Variants in ZKSCAN5 observed in about 807,000 individuals in gnomAD.
ZKSCAN5 encodes the protein zinc finger with KRAB and SCAN domains 5, also known as zinc finger protein with KRAB and SCAN domains 5.
A neutral mutation model predicts 60.0 loss-of-function variants in ZKSCAN5; 28 were observed. The observed-to-expected ratio is 0.47, with a 90% CI of 0.35 to 0.64. The LOEUF (loss-of-function observed/expected upper bound fraction) is 0.64. Among genes scored for constraint, ZKSCAN5 ranks in the 30% least tolerant of loss-of-function variants. The pLI is 0.01. For missense variants in ZKSCAN5, 881 were observed against 1,034.6 expected (o/e 0.85, Z 2.04); for synonymous variants, 361 against 371.2 (o/e 0.97, Z 0.31).
At chr7:99,520,583 A>G (rs1013147186) in intron 5 of ZKSCAN5, among the ~76,000 whole-genome samples, 4 of 152,148 alleles carry the variant, frequency 2.6e-5, no homozygotes, top group African/African-American at 9.7e-5. Flanking sequence ...CTTTAAAATA[A>G]GAGTGGGTTG....
intron 6 of ZKSCAN5, among the ~76,000 whole-genome samples, chr7:99,528,227 C>G (rs780476766): frequency 1.3e-5 from 2 of 150,802 alleles, no homozygotes; most frequent in Admixed American, 6.7e-5. Flanking sequence ...TGGGTTTGAG[C>G]TGAGCTATCC....
chr7:99,527,932 AC>A (rs1388874705), intron 6 of ZKSCAN5, among the ~76,000 whole-genome samples: 1 of 151,476 alleles, frequency 6.6e-6, no homozygotes, highest in African/African-American at 2.4e-5. Flanking sequence ...CAAGTGATCC[AC>A]CCGCCTTGGC....
rs754812947 is a variant in ZKSCAN5 at position 99,531,733 on chromosome 7, A to G, written c.2004A>G (p.Glu668=). The change falls in exon 7 of 7, where the codon GAA becomes GAG. Residue 668 remains glutamate, a synonymous_variant. Coordinates refer to ENST00000326775, the MANE Select transcript of ZKSCAN5 (RefSeq NM_145102.4). ...EKSHQCRECG[E]IFFQYVSLIE... ...CCCATCAGTGTCGTGAATGTGGGGAAATCTTTTTTCAGTACGTTAGCCTAA... is the reference window on the plus strand; with the variant it reads ...CCCATCAGTGTCGTGAATGTGGGGAGATCTTTTTTCAGTACGTTAGCCTAA... 4 of 1,614,178 alleles carry G rather than the reference A, an allele frequency of 2.5e-6. No homozygotes were observed. The South Asian group carries it at 3.3e-5, about 13-fold the overall frequency.
At position 99,533,607 on chromosome 7, in the gene ZKSCAN5, C is replaced by T; in HGVS notation, c.*1358C>T. 2 of 407,356 alleles carry T rather than the reference C, an allele frequency of 4.9e-6. No individual in the cohort carries two copies. The highest frequency in any genetic ancestry group is 8.6e-6 in the Non-Finnish European group (2 of 231,322). The allele number at this position is 407,356 out of a possible 1,614,324, so 25.2% of individuals were successfully genotyped here. On this transcript the variant is annotated 3_prime_UTR_variant, in exon 7 of 7. Coordinates refer to ENST00000326775, the MANE Select transcript of ZKSCAN5 (RefSeq NM_145102.4). ...CCCTCAGGAGATGAGAGCCATCTCA[C>T]CTCACCCAGGAGTCACTTCCTCTCT...
intron 4 of ZKSCAN5, 109 bp from the exon 5 acceptor site, chr7:99,520,060 T>C (rs1200620300): frequency 2.6e-6 from 4 of 1,522,726 alleles, no homozygotes; most frequent in Non-Finnish European, 2.7e-6. Context: ...CCCATCCTCT[T>C]TGAGGCACAG....
intron 2 of ZKSCAN5, among the ~76,000 whole-genome samples, chr7:99,510,264 G>A (rs1800957320): frequency 6.6e-6 from 1 of 151,748 alleles, no homozygotes; most frequent in African/African-American, 2.4e-5. Flanking sequence ...TTTTAAGACG[G>A]AGTCTGGCTC....
chr7:99,527,888 T>TA (rs1244650099), intron 6 of ZKSCAN5, among the ~76,000 whole-genome samples: 1 of 151,906 alleles, frequency 6.6e-6, no homozygotes, highest in Non-Finnish European at 1.5e-5. Context: ...GGGGTTTCAC[T>TA]ATATTGGCCA....
chr7:99,510,691 G>A (rs973243479), intron 2 of ZKSCAN5, among the ~76,000 whole-genome samples: 8 of 151,980 alleles, frequency 5.3e-5, no homozygotes, highest in African/African-American at 1.9e-4. Context: ...TGATCTGCCC[G>A]CCTCGGCCCC....
At chr7:99,527,952 G>A (rs1801868094) in intron 6 of ZKSCAN5, among the ~76,000 whole-genome samples, 1 of 152,018 alleles carries the variant, frequency 6.6e-6, no homozygotes, top group African/African-American at 2.4e-5. Flanking sequence ...GCCTCCCAAA[G>A]TGCTGGGATT....
At chr7:99,526,525 A>G in intron 6 of ZKSCAN5, 107 bp downstream of exon 6, 5 of 1,476,016 alleles carry the variant, frequency 3.4e-6, no homozygotes, top group South Asian at 1.3e-5. Context: ...TGGGGGGGGT[A>G]GGAAGAGGCA....
chr7:99,530,083 G>T (rs1387530069), intron 6 of ZKSCAN5, among the ~76,000 whole-genome samples: 1 of 145,548 alleles, frequency 6.9e-6, no homozygotes, highest in African/African-American at 2.6e-5. Context: ...GCCCAGGCTG[G>T]AGTGCAATGG....
At chr7:99,511,092 G>A (rs1443906183) in intron 2 of ZKSCAN5, among the ~76,000 whole-genome samples, 2 of 152,122 alleles carry the variant, frequency 1.3e-5, no homozygotes, top group Non-Finnish European at 2.9e-5. Context: ...GCCAGTAGCA[G>A]GAGGATTCGA....
chr7:99,505,600 A>G (rs1800684730), intron 1 of ZKSCAN5: 1 of 167,340 alleles, frequency 6.0e-6, no homozygotes, highest in Non-Finnish European at 1.3e-5. Context: ...AGTTTTGACC[A>G]TTATAATGAT....
At chr7:99,516,804 T>C (rs1483392297) in intron 3 of ZKSCAN5, among the ~76,000 whole-genome samples, 1 of 152,174 alleles carries the variant, frequency 6.6e-6, no homozygotes, top group African/African-American at 2.4e-5. Flanking sequence ...GCTTTGCTGC[T>C]GCTGCTGCGT....
intron 6 of ZKSCAN5, 132 bp downstream of exon 6, chr7:99,526,550 T>C: frequency 7.0e-7 from 1 of 1,422,358 alleles, no homozygotes; most frequent in Non-Finnish European, 9.4e-7. Flanking sequence ...TTATCGTTTA[T>C]TTGGTTCTTA....
At chr7:99,526,519 G>C (rs975815808) in intron 6 of ZKSCAN5, 101 bp downstream of exon 6, 13 of 1,497,072 alleles carry the variant, frequency 8.7e-6, no homozygotes, top group Middle Eastern at 3.6e-4. Context: ...TGATACTGGG[G>C]GGGGTAGGAA....
intron 3 of ZKSCAN5, among the ~76,000 whole-genome samples, chr7:99,517,143 G>A (rs930397091): frequency 1.3e-5 from 2 of 152,198 alleles, no homozygotes; most frequent in Admixed American, 6.5e-5. Flanking sequence ...TCAGTTCAGC[G>A]CAACCTCTGC....
chr7:99,522,652 A>G (rs1205838827), intron 5 of ZKSCAN5, among the ~76,000 whole-genome samples: 1 of 151,280 alleles, frequency 6.6e-6, no homozygotes, highest in African/African-American at 2.4e-5. Context: ...ACAGCCGCCT[A>G]ATTTTTCTGT....
chr7:99,518,793 A>C (rs1311259373), intron 3 of ZKSCAN5, among the ~76,000 whole-genome samples: 1 of 145,546 alleles, frequency 6.9e-6, no homozygotes, highest in Non-Finnish European at 1.5e-5. Flanking sequence ...CTCCTGCCTC[A>C]GTCTCCTGAG....
Sources: gnomAD v4.1 joint callset for allele counts (sites outside exome capture counted in the v4.1 genomes callset) on GRCh38, gnomAD v4.1.1 for gene constraint, MANE v1.5 for transcripts, NCBI Gene and HGNC (gene_info 2026-07-23, HGNC 2026-07-21) for gene names.